Variants in SH3RF2 observed in about 807,000 individuals in gnomAD.
SH3RF2 encodes the protein SH3 domain containing ring finger 2.
In SH3RF2, 43 loss-of-function variants were observed where a neutral mutation model predicts 59.0. The ratio of observed to expected loss-of-function variants is 0.73; its 90% CI spans 0.57 to 0.94. SH3RF2 has a LOEUF of 0.94. Among genes scored for constraint, SH3RF2 ranks in the 40% least tolerant of loss-of-function variants. The pLI is 0.00. For missense variants in SH3RF2, 930 were observed against 940.1 expected (o/e 0.99, Z 0.14); for synonymous variants, 391 against 391.5 (o/e 1.00, Z 0.01).
chr5:146,029,418 G>A (rs1761662377), intron 5 of SH3RF2, among the ~76,000 whole-genome samples: 2 of 152,278 alleles, frequency 1.3e-5, no homozygotes, highest in South Asian at 4.1e-4. Context: ...GGAATAAAGG[G>A]ATCAATTATC....
chr5:145,996,350 A>G (rs1760150290), intron 2 of SH3RF2, among the ~76,000 whole-genome samples: 2 of 152,304 alleles, frequency 1.3e-5, no homozygotes, highest in African/African-American at 4.8e-5. Context: ...TAGGTGACTG[A>G]AGCACTTCCT....
intron 9 of SH3RF2, among the ~76,000 whole-genome samples, chr5:146,074,036 CTTTT>C (rs70998053): frequency 1.2e-4 from 14 of 117,196 alleles, no homozygotes; most frequent in African/African-American, 5.4e-4. Context: ...CATTAACACT[CTTTT>C]TTTTTTTTTT....
chr5:145,952,782 T>C lies in SH3RF2; in HGVS notation c.378+14476T>C, dbSNP rs138049277. 3.7e-3 allele frequency among the ~76,000 whole-genome samples: 565 copies of C among 152,218 alleles called. 4 individuals are homozygous for C. The highest frequency in any genetic ancestry group is 0.013 in the African/African-American group (555 of 41,536). ...CATTGGCAGGGGAGTGATGGCATCATATAGGGAAGAGAGGGCGGCCAAGAA... is the reference window on the plus strand; with the variant it reads ...CATTGGCAGGGGAGTGATGGCATCACATAGGGAAGAGAGGGCGGCCAAGAA... On this transcript the variant is annotated intron_variant, in intron 2 of 9. Transcript: ENST00000359120.
chr5:146,048,545 A>C (rs1209496252), intron 6 of SH3RF2, among the ~76,000 whole-genome samples: 1 of 152,234 alleles, frequency 6.6e-6, no homozygotes, highest in Non-Finnish European at 1.5e-5. Flanking sequence ...ACAAAACAAA[A>C]AAAACCTTGT....
At chr5:146,060,760 G>A (rs773063742) in intron 9 of SH3RF2, among the ~76,000 whole-genome samples, 1 of 152,174 alleles carries the variant, frequency 6.6e-6, no homozygotes, top group African/African-American at 2.4e-5. Context: ...AAGTGACATC[G>A]AGGTCACACT....
intron 2 of SH3RF2, among the ~76,000 whole-genome samples, chr5:145,983,985 A>T (rs761496302): frequency 6.6e-6 from 1 of 152,200 alleles, no homozygotes; most frequent in East Asian, 1.9e-4. Context: ...TTCTTTTGTT[A>T]AGAGTAGCAT....
At chr5:145,995,922 G>T (rs189359977) in intron 2 of SH3RF2, among the ~76,000 whole-genome samples, 3 of 152,134 alleles carry the variant, frequency 2.0e-5, no homozygotes, top group Non-Finnish European at 4.4e-5. Flanking sequence ...GTTTTTCATT[G>T]TATGGGTATG....
At chr5:146,000,868 T>C (rs565232565) in intron 3 of SH3RF2, among the ~76,000 whole-genome samples, 2 of 152,220 alleles carry the variant, frequency 1.3e-5, no homozygotes, top group South Asian at 2.1e-4. Flanking sequence ...CACCGATACA[T>C]GGACAGAAAA....
chr5:145,959,080 G>GA (rs1758525438), intron 2 of SH3RF2, among the ~76,000 whole-genome samples: 1 of 152,130 alleles, frequency 6.6e-6, no homozygotes, highest in Non-Finnish European at 1.5e-5. Context: ...AGACAGCAAT[G>GA]AAAATGTCTC....
chr5:145,973,977 G>T (rs919157439), intron 2 of SH3RF2, among the ~76,000 whole-genome samples: 1 of 152,212 alleles, frequency 6.6e-6, no homozygotes, highest in African/African-American at 2.4e-5. Flanking sequence ...GGTTCTGTGG[G>T]TCAGGAGTCT....
chr5:145,965,924 A>G (rs568048254), intron 2 of SH3RF2, among the ~76,000 whole-genome samples: 1 of 152,264 alleles, frequency 6.6e-6, no homozygotes, highest in East Asian at 1.9e-4. Context: ...AGAAAAAGCT[A>G]CTCCCTAAAA....
Position 146,013,934 on chromosome 5 carries a change from T to C in SH3RF2, c.932T>C (p.Met311Thr). The stretch of plus-strand genomic sequence containing the variant: ...ACAGCCTTGAACACTCTCAACCGGA[T>C]GGTCCATTCTCCTTCAGGGCGCCAT... Reference protein sequence around the residue: ...ITTALNTLNRMVHSPSGRHMV... With the variant: ...ITTALNTLNRTVHSPSGRHMV... The change falls in exon 5 of 10, where the codon ATG becomes ACG. Residue 311 changes from methionine to threonine, a missense_variant. By Grantham distance (81) the Met-to-Thr change is moderately conservative (BLOSUM62 -1). Transcript: ENST00000359120. 2 of 1,614,136 alleles carry C rather than the reference T, an allele frequency of 1.2e-6. No homozygotes were observed. Among genetic ancestry groups the C allele is most frequent in the Non-Finnish European group, 1.7e-6 (2 of 1,180,008 alleles).
chr5:146,012,039 T>G (rs1393076565), intron 4 of SH3RF2, among the ~76,000 whole-genome samples: 1 of 152,216 alleles, frequency 6.6e-6, no homozygotes, highest in African/African-American at 2.4e-5. Context: ...GCTCTTATTA[T>G]TTTGAGATAC....
Position 146,004,161 on chromosome 5 carries a change from A to C in SH3RF2, c.744+8A>C. 1 of 1,606,062 alleles carries C rather than the reference A, an allele frequency of 6.2e-7. No individual in the cohort carries two copies. The highest frequency in any genetic ancestry group is 8.5e-7 in the Non-Finnish European group (1 of 1,173,634). On this transcript the variant is annotated splice_region_variant and intron_variant, in intron 4 of 9. Transcript: ENST00000359120. ...CCTATCTTGTTTGTAGAGGTACGTG[A>C]GTATCAAGTCTACATCTGATTTACG...
intron 6 of SH3RF2, 25 bp downstream of exon 6, chr5:146,047,888 C>A (rs1214283590): frequency 1.2e-6 from 2 of 1,608,712 alleles, no homozygotes; most frequent in Non-Finnish European, 1.7e-6. Flanking sequence ...CATCCCTTCA[C>A]CCAAGTCCTG....
At chr5:145,970,607 T>C (rs1276333783) in intron 2 of SH3RF2, among the ~76,000 whole-genome samples, 3 of 152,212 alleles carry the variant, frequency 2.0e-5, no homozygotes, top group Non-Finnish European at 1.5e-5. Flanking sequence ...TACCATGTTA[T>C]GATGCAACAA....
At chr5:145,974,666 G>A (rs923823345) in intron 2 of SH3RF2, among the ~76,000 whole-genome samples, 3 of 152,156 alleles carry the variant, frequency 2.0e-5, no homozygotes, top group East Asian at 3.8e-4. Flanking sequence ...ATTCAGAGAC[G>A]TGAAGCAAGT....
At chr5:145,997,327 C>T (rs58571831) in intron 2 of SH3RF2, 4 of 1,120,990 alleles carry the variant, frequency 3.6e-6, no homozygotes, top group Non-Finnish European at 5.5e-6. Context: ...GAGCAGCTCC[C>T]CGTATATACT....
intron 4 of SH3RF2, among the ~76,000 whole-genome samples, chr5:146,009,543 T>C (rs1760790004): frequency 6.6e-6 from 1 of 152,226 alleles, no homozygotes; most frequent in South Asian, 2.1e-4. Context: ...TCAGCTTAAA[T>C]GCCACCTTCT....
Sources: allele counts gnomAD v4.1 joint callset (sites outside exome capture counted in the v4.1 genomes callset), GRCh38; gene constraint gnomAD v4.1.1; transcripts MANE v1.5; gene names NCBI Gene and HGNC (gene_info 2026-07-23, HGNC 2026-07-21).